CAST: variants seen among roughly 807,000 people sequenced by gnomAD.
The protein encoded by CAST is calpastatin, also known as MIR583 host.
CAST carries 76 observed loss-of-function variants against 119.6 expected under a neutral mutation model. That is an observed-to-expected ratio of 0.64 (90% CI 0.53 to 0.77). The LOEUF is 0.77. CAST is among the 30% of genes least tolerant of loss of function. The probability of loss-of-function intolerance (pLI) is 0.00; values close to 1 mark genes in which losing one functional copy is unlikely to be tolerated. For synonymous variants in CAST, 319 were observed against 331.6 expected, an observed-to-expected ratio of 0.96 and a Z score of 0.41; for missense variants, 953 against 946.5, an observed-to-expected ratio of 1.01 and a Z score of -0.09.
At chr5:96,595,642 A>G (rs1375976443) in intron 1 of CAST, among the ~76,000 whole-genome samples, 2 of 152,242 alleles carry the variant, frequency 1.3e-5, no homozygotes, top group African/African-American at 4.8e-5. Flanking sequence ...GTTGGATGAC[A>G]CAGAACCTGA....
the CAST span, among the ~76,000 whole-genome samples, chr5:96,327,255 G>A: frequency 9.3e-3 from 1,412 of 152,202 alleles, 27 homozygotes; most frequent in African/African-American, 0.033. Flanking sequence ...ACAGTTTTTC[G>A]CATATAGTGA....
At chr5:96,453,089 T>G in the CAST span, among the ~76,000 whole-genome samples, 4,536 of 152,204 alleles carry the variant, frequency 0.03, 84 homozygotes, top group Middle Eastern at 0.082. Flanking sequence ...AAAATCTGTT[T>G]ATTTCAGTTA....
At chr5:96,006,620 G>A in the CAST span, among the ~76,000 whole-genome samples, 2 of 152,232 alleles carry the variant, frequency 1.3e-5, no homozygotes, top group Middle Eastern at 6.8e-3. Flanking sequence ...CTGATGCCAG[G>A]GTCAGGGGTG....
At chr5:96,701,002 C>T (rs898924836) in intron 3 of CAST, among the ~76,000 whole-genome samples, 29 of 152,108 alleles carry the variant, frequency 1.9e-4, no homozygotes, top group South Asian at 4.2e-4. Context: ...TCTCAGCTCA[C>T]TGCAACCTCC....
the CAST span, among the ~76,000 whole-genome samples, chr5:96,126,776 A>G: frequency 6.6e-6 from 1 of 152,134 alleles, no homozygotes; most frequent in Non-Finnish European, 1.5e-5. Flanking sequence ...TAATCTCTAT[A>G]ATAGCGTTAT....
the CAST span, among the ~76,000 whole-genome samples, chr5:96,459,828 A>C: frequency 6.6e-6 from 1 of 152,188 alleles, no homozygotes; most frequent in Non-Finnish European, 1.5e-5. Flanking sequence ...ATTTTACTGC[A>C]GATTGGCTCT....
the CAST span, among the ~76,000 whole-genome samples, chr5:96,306,862 A>G: frequency 6.6e-6 from 1 of 152,082 alleles, no homozygotes; most frequent in Admixed American, 6.5e-5. Flanking sequence ...GGCGTGTTTT[A>G]CTTTCAACTA....
the CAST span, among the ~76,000 whole-genome samples, chr5:96,401,497 G>A: frequency 1.3e-5 from 2 of 152,188 alleles, no homozygotes; most frequent in South Asian, 2.1e-4. Context: ...GAATTTTTGA[G>A]TAAGGAAATA....
chr5:96,662,533 C>A, intron 1 of CAST, 36 bp downstream of exon 1: 1 of 1,343,580 alleles, frequency 7.4e-7, no homozygotes, highest in South Asian at 1.9e-5. Context: ...CGGGGCTGGG[C>A]GATGGGGTAC....
chr5:96,371,951 C>T, the CAST span, among the ~76,000 whole-genome samples: 4 of 152,194 alleles, frequency 2.6e-5, no homozygotes, highest in South Asian at 8.3e-4. Flanking sequence ...TCCTCTAGCT[C>T]ACTTTCTGAT....
intron 16 of CAST, among the ~76,000 whole-genome samples, chr5:96,745,945 C>T (rs1214028250): frequency 1.3e-5 from 2 of 152,210 alleles, no homozygotes; most frequent in East Asian, 3.9e-4. Flanking sequence ...CTAACTGCTG[C>T]ACTGTGCTTA....
At chr5:95,971,083 G>A in the CAST span, among the ~76,000 whole-genome samples, 1 of 152,138 alleles carries the variant, frequency 6.6e-6, no homozygotes, top group Admixed American at 6.5e-5. Flanking sequence ...AACTTCAATA[G>A]CATAGAAAGC....
chr5:96,545,974 C>A (rs1310762949), intron 1 of CAST, among the ~76,000 whole-genome samples: 1 of 152,190 alleles, frequency 6.6e-6, no homozygotes, highest in Non-Finnish European at 1.5e-5. Flanking sequence ...AAGTCACTGA[C>A]CTTTATCCAA....
chr5:96,016,696 G>A, the CAST span, among the ~76,000 whole-genome samples: 1 of 152,042 alleles, frequency 6.6e-6, no homozygotes, highest in African/African-American at 2.4e-5. Context: ...GCTTTTAAGA[G>A]TTGAGAACTT....
At chr5:96,599,540 C>T (rs2150193601) in intron 1 of CAST, among the ~76,000 whole-genome samples, 1 of 152,204 alleles carries the variant, frequency 6.6e-6, no homozygotes, top group Admixed American at 6.5e-5. Flanking sequence ...TACCTCTATC[C>T]TTCAGTTGCT....
At chr5:96,340,837 T>C in the CAST span, among the ~76,000 whole-genome samples, 3 of 152,208 alleles carry the variant, frequency 2.0e-5, no homozygotes, top group Admixed American at 6.5e-5. Context: ...CTATTTTCCA[T>C]TTAGAAATTA....
chr5:96,439,447 C>T, the CAST span, among the ~76,000 whole-genome samples: 1 of 152,154 alleles, frequency 6.6e-6, no homozygotes, highest in Non-Finnish European at 1.5e-5. Context: ...CAGAATTCCC[C>T]ATGACTGAGG....
intron 28 of CAST, 143 bp from the exon 29 acceptor site, chr5:96,767,764 C>T (rs1348459964): frequency 2.7e-5 from 17 of 631,718 alleles, no homozygotes; most frequent in Non-Finnish European, 3.9e-5. Context: ...ATCTCCTTTA[C>T]AATACATTAT....
chr5:96,491,524 A>AAAAAAAAAAAAAAAG, the CAST span, among the ~76,000 whole-genome samples: 1 of 143,784 alleles, frequency 7.0e-6, no homozygotes, highest in Non-Finnish European at 1.5e-5. Flanking sequence ...AAAAAAAAAA[A>AAAAAAAAAAAAAAAG]ATTAAAAAGA....
Sources: allele counts gnomAD v4.1 joint callset (sites outside exome capture counted in the v4.1 genomes callset), GRCh38; gene constraint gnomAD v4.1.1; transcripts MANE v1.5; gene names NCBI Gene and HGNC (gene_info 2026-07-23, HGNC 2026-07-21).